The following ATP6V1C2 variants were observed in gnomAD, a reference collection of about 807,000 sequenced individuals.
ATP6V1C2 encodes the protein ATPase H+ transporting V1 subunit C2, also known as V-type proton ATPase subunit C 2.
A neutral mutation model predicts 56.8 loss-of-function variants in ATP6V1C2; 45 were observed. That is an observed-to-expected ratio of 0.79 (90% CI 0.62 to 1.02). ATP6V1C2 has a LOEUF of 1.02. Among genes scored for constraint, ATP6V1C2 ranks in the 50% least tolerant of loss-of-function variants. The pLI is 0.00. For synonymous variants in ATP6V1C2, 220 were observed against 201.3 expected (o/e 1.09, Z -0.79); for missense variants, 463 against 519.7 (o/e 0.89, Z 1.06).
At chr2:10,727,701 C>A (rs1661724438) in intron 3 of ATP6V1C2, among the ~76,000 whole-genome samples, 1 of 152,118 alleles carries the variant, frequency 6.6e-6, no homozygotes, top group Non-Finnish European at 1.5e-5. Flanking sequence ...GAGTTTGAGA[C>A]CAGCCTGGCC....
chr2:10,775,160 CCT>C (rs1354947681), intron 10 of ATP6V1C2, 89 bp downstream of exon 10: 3 of 970,816 alleles, frequency 3.1e-6, no homozygotes, highest in Middle Eastern at 2.5e-4. Context: ...CTCCCTCCTC[CCT>C]CTCATTGTCC....
intron 7 of ATP6V1C2, 139 bp from the exon 8 acceptor site, chr2:10,772,403 G>T: frequency 2.6e-6 from 2 of 756,476 alleles, no homozygotes; most frequent in Non-Finnish European, 4.8e-6. Context: ...CAGACCTCAG[G>T]GGAGGTGAGG....
chr2:10,729,984 C>T (rs1661864290), intron 3 of ATP6V1C2, among the ~76,000 whole-genome samples: 1 of 152,198 alleles, frequency 6.6e-6, no homozygotes, highest in African/African-American at 2.4e-5. Context: ...TCTCCTACCC[C>T]TTAACATTTG....
intron 3 of ATP6V1C2, among the ~76,000 whole-genome samples, chr2:10,750,267 A>T (rs1048038474): frequency 6.6e-6 from 1 of 152,218 alleles, no homozygotes; most frequent in African/African-American, 2.4e-5. Context: ...CTGTAATCTC[A>T]GCACTTTGGG....
intron 9 of ATP6V1C2, 31 bp from the exon 10 acceptor site, chr2:10,774,947 G>C (rs1432502282): frequency 1.9e-6 from 3 of 1,612,736 alleles, no homozygotes; most frequent in African/African-American, 1.3e-5. Context: ...GAAAGCTTCT[G>C]AGTGAAAACC....
At chr2:10,721,429 G>A (rs1661347828), upstream of ATP6V1C2, among the ~76,000 whole-genome samples, 1 of 152,112 alleles carries the variant, frequency 6.6e-6, no homozygotes, top group African/African-American at 2.4e-5. Flanking sequence ...AGCCCCCAGG[G>A]CCCCGGCCCT....
At chr2:10,775,673 C>T (rs949939209) in intron 10 of ATP6V1C2, among the ~76,000 whole-genome samples, 3 of 143,736 alleles carry the variant, frequency 2.1e-5, no homozygotes, top group African/African-American at 3.0e-5. Context: ...TAGATGCTCA[C>T]GTTTGAATTG....
intron 10 of ATP6V1C2, 33 bp from the exon 11 acceptor site, chr2:10,777,552 T>C: frequency 6.3e-7 from 1 of 1,599,610 alleles, no homozygotes; most frequent in Non-Finnish European, 8.5e-7. Flanking sequence ...GCATGTTTGC[T>C]GAAAGATTAA....
intron 3 of ATP6V1C2, among the ~76,000 whole-genome samples, chr2:10,728,716 C>T (rs1661785258): frequency 6.8e-6 from 1 of 146,810 alleles, no homozygotes; most frequent in African/African-American, 2.5e-5. Context: ...TTTGAAGCTG[C>T]AGTGACCAAG....
rs2148399035 is a variant in ATP6V1C2 at position 10,722,924 on chromosome 2, A to C, written c.75A>C (p.Val25=). 1 of 1,614,128 alleles carries C rather than the reference A, an allele frequency of 6.2e-7. No homozygotes were observed. Among genetic ancestry groups the C allele is most frequent in the Admixed American group, 1.7e-5 (1 of 60,000 alleles). The part of the protein sequence containing the change: ...NLQALERMNT[V]TSKSNLSYNT... ...AAGCTCTGGAGAGGATGAATACTGTAACCTCCAAGTCCAACCTGTCTTATA... is the reference window on the plus strand; with the variant it reads ...AAGCTCTGGAGAGGATGAATACTGTCACCTCCAAGTCCAACCTGTCTTATA... The change falls in exon 2 of 14, where the codon GTA becomes GTC. Residue 25 remains valine, a synonymous_variant. Coordinates refer to ENST00000272238, the MANE Select transcript of ATP6V1C2 (RefSeq NM_001039362.2).
In ATP6V1C2 at chr2:10,780,108, G is replaced by A. The variant is rs1024580535; in HGVS notation, c.1061+1439G>A. ...TGGCTGATGTCCCCTACTTTCCCTC[G>A]TTTTCCTGCCCATGTTCCCTGGTTT... is the stretch of plus-strand genomic sequence containing the variant. On this transcript the variant is annotated intron_variant, in intron 12 of 13. Transcript: ENST00000272238. The surrounding 1 kb of genome is among the most constrained non-coding windows in gnomAD (Gnocchi z 4.1). 7.2e-5 allele frequency among the ~76,000 whole-genome samples: 11 copies of A among 151,892 alleles called. No homozygotes were observed. Among genetic ancestry groups the A allele is most frequent in the Non-Finnish European group, 1.3e-4 (9 of 67,988 alleles).
At position 10,780,749 on chromosome 2, in the gene ATP6V1C2, C is replaced by CT. The variant is rs34670802; in HGVS notation, c.1062-1480dup. 0.14 allele frequency among the ~76,000 whole-genome samples: 20,882 copies of CT among 144,204 alleles called. 2,010 individuals are homozygous for CT. The highest frequency in any genetic ancestry group is 0.27 in the African/African-American group (10,694 of 39,476). 94.6% of individuals were successfully genotyped at this position (144,204 alleles called of 152,430 possible). ...CGATGGGCCAGCCGCTCCTGGGGTC[C>CT]TTTTTTTTTTTTTTGAGATGGACTC... On this transcript the variant is annotated intron_variant, in intron 12 of 13. Transcript: ENST00000272238. The surrounding 1 kb of genome is among the most constrained non-coding windows in gnomAD (Gnocchi z 4.1).
intron 3 of ATP6V1C2, among the ~76,000 whole-genome samples, chr2:10,733,626 G>A (rs1662083485): frequency 6.8e-6 from 1 of 147,710 alleles, no homozygotes. Flanking sequence ...AAAACCAAAT[G>A]CTATTATCTT....
rs540453392 is a variant in ATP6V1C2 at position 10,782,671 on chromosome 2, A to C, written c.1194+296A>C. Among the ~76,000 whole-genome samples the C allele has an allele frequency of 1.8e-4, 27 of 152,046 alleles. No individual in the cohort carries two copies. In the South Asian group the frequency reaches 5.6e-3, roughly 32 times the overall value. ...CATGGTGAAACCCTGTCTCTACTAA[A>C]AATACAAAAATTAGCTGGGTATGGT... On this transcript the variant is annotated intron_variant, in intron 13 of 13. Coordinates refer to ENST00000272238, the MANE Select transcript of ATP6V1C2 (RefSeq NM_001039362.2).
Position 10,784,908 on chromosome 2 carries a change from G to T in ATP6V1C2, c.*1645G>T. The T allele has an allele frequency of 6.7e-7, 1 of 1,487,588 alleles. No homozygotes were observed. Among genetic ancestry groups the T allele is most frequent in the Non-Finnish European group, 9.2e-7 (1 of 1,084,348 alleles). 92.1% of individuals were successfully genotyped at this position (1,487,588 alleles called of 1,614,324 possible). A position where few individuals can be genotyped will look rare whatever the true frequency, so the allele number is the denominator to read the frequency against. The stretch of plus-strand genomic sequence containing the variant: ...AGAGAGTAAACCAGGACTGCTGCCC[G>T]CACAGCTTCCCTCCCGGGCACTCAC... On this transcript the variant is annotated 3_prime_UTR_variant, in exon 14 of 14. Transcript: ENST00000272238.
intron 3 of ATP6V1C2, among the ~76,000 whole-genome samples, chr2:10,752,115 G>A (rs1009069471): frequency 1.3e-5 from 2 of 152,108 alleles, no homozygotes; most frequent in Non-Finnish European, 2.9e-5. Context: ...AACCATGCAA[G>A]TGTTAAGCCT....
chr2:10,728,640 G>C (rs1661779464), intron 3 of ATP6V1C2, among the ~76,000 whole-genome samples: 1 of 151,998 alleles, frequency 6.6e-6, no homozygotes, highest in Non-Finnish European at 1.5e-5. Context: ...GCTGGGTATG[G>C]TGGTATGTGC....
intron 3 of ATP6V1C2, among the ~76,000 whole-genome samples, chr2:10,737,321 T>G (rs1662306831): frequency 6.8e-6 from 1 of 147,548 alleles, no homozygotes; most frequent in African/African-American, 2.5e-5. Flanking sequence ...TCCCAGCTAC[T>G]AGGGAGGCTG....
intron 3 of ATP6V1C2, among the ~76,000 whole-genome samples, chr2:10,734,253 G>T (rs973454506): frequency 1.3e-5 from 2 of 151,916 alleles, no homozygotes; most frequent in Admixed American, 1.3e-4. Flanking sequence ...TGCCCCTGCT[G>T]AGCCCTCTTC....
Sources: allele counts gnomAD v4.1 joint callset (sites outside exome capture counted in the v4.1 genomes callset), GRCh38; gene constraint gnomAD v4.1.1; non-coding constraint Gnocchi (gnomAD v3.1); transcripts MANE v1.5; gene names NCBI Gene and HGNC (gene_info 2026-07-23, HGNC 2026-07-21).